ARHGEF7: variants seen among roughly 807,000 people sequenced by gnomAD.
ARHGEF7 encodes the protein PAK-interacting exchange factor beta.
A neutral mutation model predicts 109.8 loss-of-function variants in ARHGEF7; 33 were observed. The ratio of observed to expected loss-of-function variants is 0.30; its 90% CI spans 0.23 to 0.40. The LOEUF (loss-of-function observed/expected upper bound fraction) is 0.40, where lower values mean the gene tolerates loss of function less well. ARHGEF7 is among the 10% of genes least tolerant of loss of function. ARHGEF7 has a pLI of 1.00. For missense variants in ARHGEF7, 938 were observed against 1,098.5 expected, an observed-to-expected ratio of 0.85 and a Z score of 2.07; for synonymous variants, 458 against 424.6, an observed-to-expected ratio of 1.08 and a Z score of -0.97.
intron 2 of ARHGEF7, among the ~76,000 whole-genome samples, chr13:111,195,559 A>G (rs2153452412): frequency 6.6e-6 from 1 of 152,280 alleles, no homozygotes; most frequent in African/African-American, 2.4e-5. Flanking sequence ...CTCAATGGTT[A>G]AATGTACACG....
At chr13:111,215,250 TGTTA>T (rs1314070924) in intron 4 of ARHGEF7, among the ~76,000 whole-genome samples, 2 of 151,928 alleles carry the variant, frequency 1.3e-5, no homozygotes, top group African/African-American at 4.8e-5. Context: ...TGCGGATAGT[TGTTA>T]AGTTTGGTGT....
Position 111,303,094 on chromosome 13 carries a change from G to A in ARHGEF7, c.2570G>A (p.Trp857Ter), listed in dbSNP as rs1037571572. The A allele has an allele frequency of 9.9e-6, 16 of 1,613,850 alleles. No individual in the cohort carries two copies. The highest frequency in any genetic ancestry group is 1.3e-5 in the Non-Finnish European group (15 of 1,179,828). ...KVLKNMNDPA[W>*]DETNL ...CTGAAGAACATGAATGATCCTGCCT[G>A]GGATGAGACCAATCTATAAGGGATG... The change falls in exon 22 of 22, where the codon TGG becomes TAG. Residue 857 changes from tryptophan to a stop codon, truncating the protein, a stop_gained. Transcript: ENST00000646102. LOFTEE classifies it high-confidence loss of function.
At chr13:111,142,923 CT>C (rs1285608588) in intron 1 of ARHGEF7, among the ~76,000 whole-genome samples, 1 of 152,228 alleles carries the variant, frequency 6.6e-6, no homozygotes, top group African/African-American at 2.4e-5. Flanking sequence ...TTAAACACAG[CT>C]TTGAAGCAAA....
At chr13:111,300,109 A>T (rs1180583990) in intron 19 of ARHGEF7, among the ~76,000 whole-genome samples, 1 of 152,174 alleles carries the variant, frequency 6.6e-6, no homozygotes, top group Non-Finnish European at 1.5e-5. Context: ...TGCAACATTT[A>T]TTGAGGGCCT....
At chr13:111,151,397 A>G (rs1228286070) in intron 1 of ARHGEF7, among the ~76,000 whole-genome samples, 1 of 152,254 alleles carries the variant, frequency 6.6e-6, no homozygotes, top group Non-Finnish European at 1.5e-5. Context: ...GAAGGGTTTA[A>G]TATTTTCCTG....
intron 5 of ARHGEF7, among the ~76,000 whole-genome samples, chr13:111,225,512 GTTTTTTTT>G (rs796094462): frequency 7.1e-6 from 1 of 140,880 alleles, no homozygotes; most frequent in Non-Finnish European, 1.6e-5. Flanking sequence ...TTGTTTTTTT[GTTTTTTTT>G]TTTTTCTCTT....
At chr13:111,299,868 T>G (rs2093523255) in intron 19 of ARHGEF7, among the ~76,000 whole-genome samples, 1 of 152,216 alleles carries the variant, frequency 6.6e-6, no homozygotes, top group African/African-American at 2.4e-5. Context: ...GAAATGTTTC[T>G]CATGGTACCG....
chr13:111,241,125 G>A (rs534310486), intron 6 of ARHGEF7: 11 of 1,519,786 alleles, frequency 7.2e-6, no homozygotes, highest in African/African-American at 6.9e-5. Flanking sequence ...TCCATGCCTC[G>A]TGACCCCCGG....
rs554168966 is a variant in ARHGEF7 at position 111,149,294 on chromosome 13, A to C, written c.166-4611A>C. On this transcript the variant is annotated intron_variant, in intron 1 of 21. Coordinates refer to ENST00000646102, the MANE Select transcript of ARHGEF7 (RefSeq NM_001354046.2). ...AAAAAGAAATACACTTCCAGATAAA[A>C]CTTTGCTTTTTATATGTAATAATTT... Among the ~76,000 whole-genome samples, 8 of 152,092 alleles carry C rather than the reference A, an allele frequency of 5.3e-5. No homozygotes were observed. The East Asian group carries it at 1.2e-3, about 22-fold the overall frequency.
In ARHGEF7 at chr13:111,272,379, G is replaced by C. The variant is rs2092223736; in HGVS notation, c.1074-1435G>C. Among the ~76,000 whole-genome samples, 1 of 152,252 alleles carries C rather than the reference G, an allele frequency of 6.6e-6. No individual in the cohort carries two copies. The highest frequency in any genetic ancestry group is 2.4e-5 in the African/African-American group (1 of 41,466). ...TCCCCGAGACCTCTGGCAGTAGCCA[G>C]CTTGGCTGGGGTGGTGCGGTGGGAG... On this transcript the variant is annotated intron_variant, in intron 9 of 21. Transcript: ENST00000646102. The surrounding 1 kb of genome is among the most constrained non-coding windows in gnomAD (Gnocchi z 5.2).
intron 2 of ARHGEF7, among the ~76,000 whole-genome samples, chr13:111,179,571 T>C (rs1199752197): frequency 2.0e-5 from 3 of 152,212 alleles, no homozygotes; most frequent in African/African-American, 7.2e-5. Flanking sequence ...TATAATGTTA[T>C]CGCTTATGCA....
chr13:111,173,553 C>A lies in ARHGEF7; in HGVS notation c.252+19562C>A, dbSNP rs548572533. On this transcript the variant is annotated intron_variant, in intron 2 of 21. Coordinates refer to ENST00000646102, the MANE Select transcript of ARHGEF7 (RefSeq NM_001354046.2). The stretch of plus-strand genomic sequence containing the variant: ...GTGGAGGGACAGGGCAGAGTGCTCA[C>A]TGGGGACACAGTGTATTCACTGATT... Among the ~76,000 whole-genome samples the A allele has an allele frequency of 4.7e-4, 72 of 152,328 alleles. 2 individuals carry two copies. Among genetic ancestry groups the A allele is most frequent in the Admixed American group, 4.2e-3 (65 of 15,302 alleles).
In ARHGEF7 at chr13:111,124,683, G is replaced by T. The variant is rs150569346; in HGVS notation, c.165+8992G>T. Among the ~76,000 whole-genome samples, 13 of 152,344 alleles carry T rather than the reference G, an allele frequency of 8.5e-5. No homozygotes were observed. The East Asian group carries it at 2.5e-3, about 29-fold the overall frequency. ...ACTGGGATGGGACCTTCTAGTCTCT[G>T]CTGAAGCCCCACCCATCCTCCGTCT... On this transcript the variant is annotated intron_variant, in intron 1 of 21. Coordinates refer to ENST00000646102, the MANE Select transcript of ARHGEF7 (RefSeq NM_001354046.2).
chr13:111,191,893 A>C (rs1280066748), intron 2 of ARHGEF7, among the ~76,000 whole-genome samples: 1 of 152,242 alleles, frequency 6.6e-6, no homozygotes, highest in Admixed American at 6.5e-5. Context: ...TCGTCCTAGC[A>C]GGAGCTGTAG....
Position 111,154,009 on chromosome 13 carries a change from C to T in ARHGEF7, c.252+18C>T, listed in dbSNP as rs750583070. 3 of 1,592,058 alleles carry T rather than the reference C, an allele frequency of 1.9e-6. No homozygotes were observed. The highest frequency in any genetic ancestry group is 2.6e-6 in the Non-Finnish European group (3 of 1,173,140). ...GGCTGGAGGTGAGCGCGGGCGGCCA[C>T]GGGCCGAGGGAGGGGCCGGGAAGAC... On this transcript the variant is annotated intron_variant, in intron 2 of 21. Transcript: ENST00000646102.
chr13:111,176,544 G>A (rs543283886), intron 2 of ARHGEF7, among the ~76,000 whole-genome samples: 63 of 152,236 alleles, frequency 4.1e-4, no homozygotes, highest in African/African-American at 1.4e-3. Flanking sequence ...GGTGACCCAC[G>A]TAGCCCCTGC....
chr13:111,119,892 G>A (rs1258082868), intron 1 of ARHGEF7, among the ~76,000 whole-genome samples: 1 of 152,142 alleles, frequency 6.6e-6, no homozygotes, highest in Non-Finnish European at 1.5e-5. Context: ...GATCACATGT[G>A]GTGGTAGGGT....
intron 11 of ARHGEF7, 114 bp from the exon 12 acceptor site, chr13:111,275,418 G>A (rs2092419960): frequency 8.5e-7 from 1 of 1,178,940 alleles, no homozygotes; most frequent in African/African-American, 1.5e-5. Context: ...TTATCTGTCT[G>A]AAGAAGTAAG....
intron 2 of ARHGEF7, among the ~76,000 whole-genome samples, chr13:111,174,684 TGAAAACACACCTTCTG>T (rs1372269131): frequency 1.3e-5 from 2 of 152,224 alleles, no homozygotes; most frequent in Non-Finnish European, 2.9e-5. Context: ...TCCAGCTTTG[TGAAAACACACCTTCTG>T]GGTTTGCCCT....
Sources: allele counts gnomAD v4.1 joint callset (sites outside exome capture counted in the v4.1 genomes callset), GRCh38; gene constraint gnomAD v4.1.1; non-coding constraint Gnocchi (gnomAD v3.1); transcripts MANE v1.5; gene names NCBI Gene and HGNC (gene_info 2026-07-23, HGNC 2026-07-21).